Variants in WWOX observed in about 807,000 individuals in gnomAD.
WWOX encodes the protein WW domain containing oxidoreductase.
In WWOX, 69 loss-of-function variants were observed where a neutral mutation model predicts 46.2. The observed-to-expected ratio is 1.49, with a 90% CI of 1.23 to 1.82. WWOX has a LOEUF of 1.82. Ranked by LOEUF, WWOX falls within the 40% of genes most tolerant of loss-of-function variation. The pLI is 0.00. For synonymous variants in WWOX, 359 were observed against 202.6 expected, an observed-to-expected ratio of 1.77 and a Z score of -6.56; for missense variants, 919 against 542.6, an observed-to-expected ratio of 1.69 and a Z score of -6.89.
intron 4 of WWOX, among the ~76,000 whole-genome samples, chr16:78,148,574 T>G (rs1207710996): frequency 6.6e-6 from 1 of 152,132 alleles, no homozygotes; most frequent in Non-Finnish European, 1.5e-5. Flanking sequence ...GTTTTATTTT[T>G]CTTCCTAAGG....
chr16:79,018,672 A>T (rs2047466554), intron 8 of WWOX, among the ~76,000 whole-genome samples: 1 of 152,164 alleles, frequency 6.6e-6, no homozygotes, highest in South Asian at 2.1e-4. Context: ...CACCCCAATC[A>T]ATGTGGGCCG....
chr16:79,001,668 CA>C (rs1266679968), intron 8 of WWOX, among the ~76,000 whole-genome samples: 1 of 148,716 alleles, frequency 6.7e-6, no homozygotes, highest in African/African-American at 2.5e-5. Context: ...GAGCTGGTGG[CA>C]GGGGGAGAGA....
At chr16:78,364,077 G>T (rs1401227804) in intron 5 of WWOX, among the ~76,000 whole-genome samples, 1 of 152,168 alleles carries the variant, frequency 6.6e-6, no homozygotes, top group Non-Finnish European at 1.5e-5. Flanking sequence ...AAGGTTGAAG[G>T]TTCCTTCAGA....
At chr16:79,055,242 A>G (rs1228434703) in intron 8 of WWOX, among the ~76,000 whole-genome samples, 6 of 151,960 alleles carry the variant, frequency 3.9e-5, no homozygotes, top group Non-Finnish European at 8.8e-5. Context: ...ATATTGCTTA[A>G]TTAGCCAGCC....
At chr16:78,402,152 A>AGG (rs1373002465) in intron 6 of WWOX, among the ~76,000 whole-genome samples, 1 of 152,198 alleles carries the variant, frequency 6.6e-6, no homozygotes, top group Admixed American at 6.5e-5. Context: ...TACTTCCTCC[A>AGG]GTCCCAAGGC....
chr16:78,778,721 C>A (rs1054127331), intron 8 of WWOX, among the ~76,000 whole-genome samples: 32 of 152,298 alleles, frequency 2.1e-4, no homozygotes, highest in African/African-American at 7.2e-4. Context: ...TGCAGATTGG[C>A]CTGAAGGAAG....
At position 78,789,236 on chromosome 16, in the gene WWOX, C is replaced by G. The variant is rs554184306; in HGVS notation, c.1056+356484C>G. On this transcript the variant is annotated intron_variant, in intron 8 of 8. Coordinates refer to ENST00000566780, the MANE Select transcript of WWOX (RefSeq NM_016373.4). ...CATGGTTTCAGAAAAGAGTTTTTCC[C>G]TGAAACCACCCCTCTATTTTCTTCT... 7.2e-5 allele frequency among the ~76,000 whole-genome samples: 11 copies of G among 152,214 alleles called. 1 individual carries two copies. The South Asian group carries it at 1.9e-3, about 26-fold the overall frequency.
intron 8 of WWOX, among the ~76,000 whole-genome samples, chr16:78,782,313 C>T (rs1435986496): frequency 3.9e-5 from 6 of 152,184 alleles, no homozygotes; most frequent in Admixed American, 3.9e-4. Flanking sequence ...AACCTTCTTG[C>T]TCCCTCTCCA....
At chr16:78,945,245 T>C (rs541883885) in intron 8 of WWOX, among the ~76,000 whole-genome samples, 89 of 152,212 alleles carry the variant, frequency 5.8e-4, no homozygotes, top group African/African-American at 2.1e-3. Context: ...GAAAACCAAA[T>C]AACAGTGGCA....
intron 8 of WWOX, among the ~76,000 whole-genome samples, chr16:78,984,519 G>A (rs1489523600): frequency 6.6e-6 from 1 of 152,188 alleles, no homozygotes; most frequent in Non-Finnish European, 1.5e-5. Context: ...TACAAAAACA[G>A]GCAGCAGGCC....
At chr16:78,634,749 A>G (rs1388778422) in intron 8 of WWOX, among the ~76,000 whole-genome samples, 1 of 151,026 alleles carries the variant, frequency 6.6e-6, no homozygotes, top group Non-Finnish European at 1.5e-5. Flanking sequence ...GATTCTGCCG[A>G]TAAACATCAT....
chr16:79,054,463 C>T (rs908200366), intron 8 of WWOX, among the ~76,000 whole-genome samples: 1 of 152,076 alleles, frequency 6.6e-6, no homozygotes, highest in Admixed American at 6.6e-5. Context: ...TTCCAAAATG[C>T]GCGTGTTGCA....
At chr16:78,532,005 G>A (rs12448450) in intron 8 of WWOX, among the ~76,000 whole-genome samples, 2,187 of 151,832 alleles carry the variant, frequency 0.014, 23 homozygotes, top group African/African-American at 0.027. Flanking sequence ...TGGGTTGGGC[G>A]GGAGATTAGT....
At chr16:78,225,615 T>C (rs779395671) in intron 5 of WWOX, among the ~76,000 whole-genome samples, 26 of 152,148 alleles carry the variant, frequency 1.7e-4, no homozygotes, top group Non-Finnish European at 1.3e-4. Flanking sequence ...TGAGGATTTG[T>C]TTTGCCATGA....
chr16:78,545,571 G>A (rs947562839), intron 8 of WWOX, among the ~76,000 whole-genome samples: 1 of 152,164 alleles, frequency 6.6e-6, no homozygotes, highest in African/African-American at 2.4e-5. Flanking sequence ...TAAAATGAGA[G>A]TGGAGAGACC....
intron 8 of WWOX, among the ~76,000 whole-genome samples, chr16:79,052,977 T>TG (rs1348765754): frequency 0.015 from 178 of 12,260 alleles, no homozygotes; most frequent in Middle Eastern, 0.036. Context: ...GGGGTTGGGA[T>TG]GGGGGGGTGG....
chr16:78,646,228 C>T lies in WWOX; in HGVS notation c.1056+213476C>T, dbSNP rs1032939893. Among the ~76,000 whole-genome samples, 6 of 152,156 alleles carry T rather than the reference C, an allele frequency of 3.9e-5. No individual in the cohort carries two copies. The East Asian group carries it at 1.2e-3, about 30-fold the overall frequency. ...TAGAGATGATATCTTGCTCTATTGC[C>T]AGGCTGATCTCGGACTCCTGGGCTC... On this transcript the variant is annotated intron_variant, in intron 8 of 8. Transcript: ENST00000566780.
intron 8 of WWOX, among the ~76,000 whole-genome samples, chr16:78,621,336 C>A (rs535382340): frequency 1.8e-4 from 28 of 152,198 alleles, no homozygotes; most frequent in African/African-American, 6.3e-4. Flanking sequence ...TACTCACCAC[C>A]CACCCAGTTC....
At chr16:78,555,076 G>A (rs901111643) in intron 8 of WWOX, among the ~76,000 whole-genome samples, 1 of 151,410 alleles carries the variant, frequency 6.6e-6, no homozygotes, top group Non-Finnish European at 1.5e-5. Context: ...GGGCCAGGGT[G>A]GGTTTGGAAG....
Sources: gnomAD v4.1 joint callset for allele counts (sites outside exome capture counted in the v4.1 genomes callset) on GRCh38, gnomAD v4.1.1 for gene constraint, MANE v1.5 for transcripts, NCBI Gene and HGNC (gene_info 2026-07-23, HGNC 2026-07-21) for gene names.